The following CLNK variants were observed in gnomAD, a reference collection of about 807,000 sequenced individuals.
CLNK encodes cytokine-dependent hematopoietic cell linker.
CLNK carries 74 observed loss-of-function variants against 68.6 expected under a neutral mutation model. That is an observed-to-expected ratio of 1.08 (90% CI 0.89 to 1.31). CLNK has a LOEUF of 1.31. CLNK is among the 50% of genes most tolerant of loss of function. CLNK has a pLI of 0.00. For missense variants in CLNK, 553 were observed against 515.3 expected, an observed-to-expected ratio of 1.07 and a Z score of -0.71; for synonymous variants, 198 against 172.2, an observed-to-expected ratio of 1.15 and a Z score of -1.17.
chr4:10,656,331 CAAAAAAAAAA>C (rs33941894), intron 2 of CLNK, among the ~76,000 whole-genome samples: 1 of 89,448 alleles, frequency 1.1e-5, no homozygotes, highest in Non-Finnish European at 2.1e-5. Flanking sequence ...AATGCCTGAC[CAAAAAAAAAA>C]AAAAAAAAAA....
At chr4:10,513,706 C>A in intron 15 of CLNK, 109 bp from the exon 16 acceptor site, 2 of 1,078,834 alleles carry the variant, frequency 1.9e-6, no homozygotes, top group Admixed American at 3.4e-5. Context: ...TCTGTGAGGA[C>A]CTTCTTGGTC....
intron 2 of CLNK, among the ~76,000 whole-genome samples, chr4:10,640,227 C>T (rs531307354): frequency 1.1e-4 from 17 of 152,012 alleles, no homozygotes; most frequent in East Asian, 1.9e-4. Context: ...TGCAGTGGCA[C>T]GATCTCAGCT....
At chr4:10,714,314 C>T in the CLNK span, among the ~76,000 whole-genome samples, 1 of 152,136 alleles carries the variant, frequency 6.6e-6, no homozygotes, top group Non-Finnish European at 1.5e-5. Context: ...GAGGTTAGGG[C>T]AGGGAAATAA....
chr4:10,555,035 A>T (rs571310554), intron 8 of CLNK, among the ~76,000 whole-genome samples: 1 of 152,246 alleles, frequency 6.6e-6, no homozygotes, highest in Non-Finnish European at 1.5e-5. Context: ...GTAAAATGAG[A>T]GAATTGACCC....
chr4:10,582,917 C>A lies in CLNK; in HGVS notation c.112+2010G>T, dbSNP rs548864276. Among the ~76,000 whole-genome samples, 296 of 152,220 alleles carry A rather than the reference C, an allele frequency of 1.9e-3. 1 individual carries two copies. Among genetic ancestry groups the A allele is most frequent in the African/African-American group, 5.1e-3 (213 of 41,526 alleles). ...CATAGATATATAGCTTATAAATATA[C>A]AATCACTCCTTGTACCCTATTTTTT... On this transcript the variant is annotated intron_variant, in intron 4 of 18. Coordinates refer to ENST00000226951, the MANE Select transcript of CLNK (RefSeq NM_052964.4).
At chr4:10,658,641 T>G (rs1724073124) in intron 2 of CLNK, among the ~76,000 whole-genome samples, 2 of 152,116 alleles carry the variant, frequency 1.3e-5, no homozygotes, top group Admixed American at 1.3e-4. Context: ...AAGGCTTGGG[T>G]GTCTACAGTA....
chr4:10,653,572 T>C (rs984722387), intron 2 of CLNK, among the ~76,000 whole-genome samples: 2 of 152,146 alleles, frequency 1.3e-5, no homozygotes, highest in African/African-American at 2.4e-5. Flanking sequence ...TAGAAATACA[T>C]AACTGAAATA....
intron 1 of CLNK, among the ~76,000 whole-genome samples, chr4:10,680,512 T>C (rs1016525677): frequency 6.6e-6 from 1 of 151,944 alleles, no homozygotes; most frequent in African/African-American, 2.4e-5. Context: ...AAACTTAAAG[T>C]ATAATAATAA....
At chr4:10,687,264 G>T (rs776160194), upstream of CLNK, among the ~76,000 whole-genome samples, 1 of 151,798 alleles carries the variant, frequency 6.6e-6, no homozygotes, top group Non-Finnish European at 1.5e-5. Context: ...TAATAGAGAG[G>T]TATTGAACAA....
At chr4:10,679,848 A>G (rs1577217027) in intron 1 of CLNK, among the ~76,000 whole-genome samples, 1 of 152,190 alleles carries the variant, frequency 6.6e-6, no homozygotes, top group Non-Finnish European at 1.5e-5. Flanking sequence ...AATGGCGATC[A>G]TTAAAAAGTC....
intron 8 of CLNK, 66 bp from the exon 9 acceptor site, chr4:10,542,346 G>T (rs539969677): frequency 5.5e-5 from 56 of 1,021,012 alleles, no homozygotes; most frequent in Non-Finnish European, 7.5e-5. Flanking sequence ...TTTTATACAC[G>T]CTTACATGAA....
At chr4:10,574,873 C>T (rs183004157) in intron 4 of CLNK, among the ~76,000 whole-genome samples, 200 of 152,248 alleles carry the variant, frequency 1.3e-3, no homozygotes, top group Middle Eastern at 3.4e-3. Context: ...CATGCAACCC[C>T]CAGTCATGTA....
intron 2 of CLNK, among the ~76,000 whole-genome samples, chr4:10,625,020 C>T (rs2108864145): frequency 6.6e-6 from 1 of 152,288 alleles, no homozygotes; most frequent in South Asian, 2.1e-4. Context: ...CATAGTTTTA[C>T]TGGGCAGTAG....
chr4:10,589,065 T>A (rs1721087785), intron 3 of CLNK, among the ~76,000 whole-genome samples: 3 of 152,186 alleles, frequency 2.0e-5, no homozygotes, highest in Admixed American at 2.0e-4. Context: ...GAATTTTTGC[T>A]AAGAGAGTAA....
chr4:10,632,783 A>G (rs1405890862), intron 2 of CLNK, among the ~76,000 whole-genome samples: 7 of 152,202 alleles, frequency 4.6e-5, no homozygotes, highest in Non-Finnish European at 2.9e-5. Context: ...CTCAATTTTC[A>G]TTTGCACAAT....
At chr4:10,518,358 G>T (rs2041215) in intron 15 of CLNK, among the ~76,000 whole-genome samples, 72,017 of 151,926 alleles carry the variant, frequency 0.47, 17,379 homozygotes, top group East Asian at 0.64. Flanking sequence ...CCTCCCTGTT[G>T]TAACTTAAAA....
At chr4:10,728,600 CTTTCTTT>C in the CLNK span, among the ~76,000 whole-genome samples, 4 of 125,574 alleles carry the variant, frequency 3.2e-5, no homozygotes, top group Admixed American at 8.9e-5. Context: ...TTCTTTCTTT[CTTTCTTT>C]TTTTTTTTTT....
chr4:10,524,039 A>AAAGGAAGG (rs918233878), intron 14 of CLNK: 11 of 219,210 alleles, frequency 5.0e-5, no homozygotes, highest in African/African-American at 2.4e-4. Flanking sequence ...AGAAAGGAAG[A>AAAGGAAGG]AAGGAAGGAA....
At chr4:10,538,783 TG>T (rs1421247645) in intron 11 of CLNK, among the ~76,000 whole-genome samples, 1 of 152,216 alleles carries the variant, frequency 6.6e-6, no homozygotes, top group Admixed American at 6.5e-5. Context: ...CTTCCTGGGC[TG>T]GAAGAAACAG....
Sources: allele counts gnomAD v4.1 joint callset (sites outside exome capture counted in the v4.1 genomes callset), GRCh38; gene constraint gnomAD v4.1.1; transcripts MANE v1.5; gene names NCBI Gene and HGNC (gene_info 2026-07-23, HGNC 2026-07-21).